Variants in SLC24A2 observed in about 807,000 individuals in gnomAD.
SLC24A2 encodes solute carrier family 24 member 2.
Under a neutral mutation model 62.0 loss-of-function variants are expected in SLC24A2, and 36 were observed. That is an observed-to-expected ratio of 0.58 (90% confidence interval 0.44 to 0.77). SLC24A2 has a LOEUF of 0.77. SLC24A2 is among the 30% of genes least tolerant of loss of function. The pLI, the probability that SLC24A2 is intolerant of heterozygous loss-of-function variation, is 0.00. For missense variants in SLC24A2, 846 were observed against 817.9 expected (o/e 1.03, Z -0.42); for synonymous variants, 358 against 294.0 (o/e 1.22, Z -2.23).
At chr9:20,244,905 T>G in the SLC24A2 span, among the ~76,000 whole-genome samples, 8 of 152,204 alleles carry the variant, frequency 5.3e-5, no homozygotes, top group Non-Finnish European at 1.2e-4. Context: ...GCATCATTAT[T>G]TGCTCACATC....
At chr9:20,226,732 T>A in the SLC24A2 span, among the ~76,000 whole-genome samples, 1 of 152,190 alleles carries the variant, frequency 6.6e-6, no homozygotes, top group Non-Finnish European at 1.5e-5. Flanking sequence ...TTCTTCCATC[T>A]GTCTTTATTT....
At chr9:20,157,060 G>A in the SLC24A2 span, among the ~76,000 whole-genome samples, 1 of 151,554 alleles carries the variant, frequency 6.6e-6, no homozygotes, top group African/African-American at 2.4e-5. Flanking sequence ...CTTTAAAAAA[G>A]CAATTTATTA....
chr9:20,005,921 A>G, the SLC24A2 span, among the ~76,000 whole-genome samples: 1 of 151,418 alleles, frequency 6.6e-6, no homozygotes, highest in Non-Finnish European at 1.5e-5. Context: ...AAAATAACCC[A>G]AAGTGAGGGT....
At chr9:20,255,247 G>C in the SLC24A2 span, among the ~76,000 whole-genome samples, 1 of 152,152 alleles carries the variant, frequency 6.6e-6, no homozygotes, top group Non-Finnish European at 1.5e-5. Context: ...TTGATGCACT[G>C]GTAATGACTG....
At chr9:20,065,553 C>G in the SLC24A2 span, among the ~76,000 whole-genome samples, 2 of 152,186 alleles carry the variant, frequency 1.3e-5, no homozygotes, top group African/African-American at 2.4e-5. Context: ...ATACTTCCAG[C>G]AACACTGTGA....
intron 5 of SLC24A2, among the ~76,000 whole-genome samples, chr9:19,589,081 TTGATC>T (rs1166111034): frequency 6.6e-6 from 1 of 152,234 alleles, no homozygotes; most frequent in Non-Finnish European, 1.5e-5. Flanking sequence ...TGTATACTCT[TTGATC>T]TGGCATTTCT....
chr9:19,806,838 G>T, the SLC24A2 span, among the ~76,000 whole-genome samples: 1 of 152,116 alleles, frequency 6.6e-6, no homozygotes, highest in Admixed American at 6.6e-5. Flanking sequence ...GATTCTAACA[G>T]CTTATAGATT....
At chr9:20,001,495 T>G in the SLC24A2 span, among the ~76,000 whole-genome samples, 3 of 152,198 alleles carry the variant, frequency 2.0e-5, no homozygotes, top group African/African-American at 7.2e-5. Context: ...TAAGCATAAC[T>G]GTCCCCAAGG....
intron 2 of SLC24A2, among the ~76,000 whole-genome samples, chr9:19,751,347 T>C (rs1821977021): frequency 6.6e-6 from 1 of 152,170 alleles, no homozygotes. Context: ...AAGTACTATA[T>C]AGTTAGTAAA....
At chr9:19,728,251 G>T (rs751101385) in intron 2 of SLC24A2, among the ~76,000 whole-genome samples, 1 of 151,504 alleles carries the variant, frequency 6.6e-6, no homozygotes, top group East Asian at 1.9e-4. Context: ...AAGGCAGATG[G>T]TCTCACTTGA....
At chr9:19,959,666 C>T in the SLC24A2 span, among the ~76,000 whole-genome samples, 1 of 152,154 alleles carries the variant, frequency 6.6e-6, no homozygotes. Flanking sequence ...GGATTCAAAA[C>T]TAGAAAATAA....
intron 4 of SLC24A2, among the ~76,000 whole-genome samples, chr9:19,614,093 A>AGCAT (rs1333135092): frequency 1.3e-5 from 2 of 152,230 alleles, no homozygotes; most frequent in Non-Finnish European, 2.9e-5. Flanking sequence ...TGCAACATCC[A>AGCAT]GCATCCTTGT....
the SLC24A2 span, among the ~76,000 whole-genome samples, chr9:20,073,922 A>ATATATATATATATATATATATATATATG: frequency 2.1e-5 from 2 of 96,636 alleles, no homozygotes; most frequent in Admixed American, 1.7e-4. Flanking sequence ...GTGGGGAGAT[A>ATATATATATATATATATATATATATATG]TATATATATA....
intron 2 of SLC24A2, among the ~76,000 whole-genome samples, chr9:19,707,895 T>C (rs1820583033): frequency 6.6e-6 from 1 of 152,096 alleles, no homozygotes; most frequent in African/African-American, 2.4e-5. Context: ...GTGTTGGAAG[T>C]TCTGGCCAGG....
chr9:19,519,485 G>A (rs957941543), intron 10 of SLC24A2, among the ~76,000 whole-genome samples: 3 of 152,032 alleles, frequency 2.0e-5, no homozygotes, highest in Admixed American at 1.3e-4. Flanking sequence ...AACTCTACCA[G>A]GAATATTTGG....
the SLC24A2 span, among the ~76,000 whole-genome samples, chr9:19,863,460 T>A: frequency 6.6e-6 from 1 of 151,962 alleles, no homozygotes; most frequent in Non-Finnish European, 1.5e-5. Context: ...AGAGACCATA[T>A]GTTAGGTCAC....
chr9:19,666,597 CAG>C (rs1564026241), intron 2 of SLC24A2, among the ~76,000 whole-genome samples: 2 of 152,114 alleles, frequency 1.3e-5, no homozygotes, highest in South Asian at 4.1e-4. Context: ...ATTTTTAGTG[CAG>C]AGTTTAGAAA....
At chr9:20,080,274 C>G in the SLC24A2 span, among the ~76,000 whole-genome samples, 1 of 152,196 alleles carries the variant, frequency 6.6e-6, no homozygotes, top group South Asian at 2.1e-4. Flanking sequence ...GTTACCAAAA[C>G]AGAGATATAG....
the SLC24A2 span, among the ~76,000 whole-genome samples, chr9:20,093,124 C>T: frequency 4.2e-4 from 64 of 151,252 alleles, no homozygotes; most frequent in African/African-American, 9.9e-4. Context: ...CAGGCTGGAG[C>T]GCAGTAGCGC....
Sources: gnomAD v4.1 joint callset for allele counts (sites outside exome capture counted in the v4.1 genomes callset) on GRCh38, gnomAD v4.1.1 for gene constraint, MANE v1.5 for transcripts, NCBI Gene and HGNC (gene_info 2026-07-23, HGNC 2026-07-21) for gene names.